Variants in FRMD4A observed in about 807,000 individuals in gnomAD.
FRMD4A encodes the protein FERM domain-containing protein 4A.
FRMD4A carries 29 observed loss-of-function variants against 129.1 expected under a neutral mutation model. That is an observed-to-expected ratio of 0.22 (90% confidence interval 0.17 to 0.31). The LOEUF (loss-of-function observed/expected upper bound fraction) is 0.31, where lower values mean the gene tolerates loss of function less well. FRMD4A is among the 10% of genes least tolerant of loss of function. FRMD4A has a pLI of 1.00. For synonymous variants in FRMD4A, 634 were observed against 571.6 expected, an observed-to-expected ratio of 1.11 and a Z score of -1.56; for missense variants, 1,272 against 1,375.8, an observed-to-expected ratio of 0.92 and a Z score of 1.19.
intron 6 of FRMD4A, among the ~76,000 whole-genome samples, chr10:13,782,035 A>G (rs1023706565): frequency 6.6e-6 from 1 of 152,196 alleles, no homozygotes; most frequent in Admixed American, 6.5e-5. Flanking sequence ...TCACAACTAA[A>G]GAACTTACTC....
At chr10:13,913,276 A>T (rs1035563941) in intron 2 of FRMD4A, among the ~76,000 whole-genome samples, 1 of 152,150 alleles carries the variant, frequency 6.6e-6, no homozygotes, top group African/African-American at 2.4e-5. Context: ...TCCTAGGGAC[A>T]AAGGGATGGA....
At chr10:14,156,585 T>G (rs1303952210) in intron 2 of FRMD4A, among the ~76,000 whole-genome samples, 1 of 152,092 alleles carries the variant, frequency 6.6e-6, no homozygotes, top group Admixed American at 6.5e-5. Flanking sequence ...GGAAGGTACA[T>G]GGAGACCTCC....
intron 2 of FRMD4A, among the ~76,000 whole-genome samples, chr10:14,022,511 T>G (rs1265816114): frequency 6.6e-6 from 1 of 152,206 alleles, no homozygotes; most frequent in African/African-American, 2.4e-5. Context: ...ATATAAACAT[T>G]GCATAATGTT....
intron 6 of FRMD4A, among the ~76,000 whole-genome samples, chr10:13,781,350 G>A (rs1418693570): frequency 1.7e-5 from 2 of 119,152 alleles, no homozygotes; most frequent in Non-Finnish European, 3.5e-5. Flanking sequence ...TCTGATACAC[G>A]CTACAACATG....
intron 2 of FRMD4A, among the ~76,000 whole-genome samples, chr10:14,179,012 G>A (rs1453774079): frequency 6.6e-6 from 1 of 152,128 alleles, no homozygotes; most frequent in East Asian, 1.9e-4. Flanking sequence ...TCAAAAAAGA[G>A]AGGGAAATAA....
At chr10:13,747,712 T>A in intron 9 of FRMD4A, 24 bp downstream of exon 9, 1 of 1,313,704 alleles carries the variant, frequency 7.6e-7, no homozygotes, top group South Asian at 1.2e-5. Flanking sequence ...GACTCGCTCC[T>A]GGGGAAGACT....
At chr10:14,108,460 C>A (rs574223709) in intron 2 of FRMD4A, among the ~76,000 whole-genome samples, 7 of 152,152 alleles carry the variant, frequency 4.6e-5, no homozygotes, top group African/African-American at 1.7e-4. Context: ...AACTCTTTGG[C>A]ATATCTGGGG....
chr10:14,164,800 C>T (rs1366510632), intron 2 of FRMD4A, among the ~76,000 whole-genome samples: 1 of 152,228 alleles, frequency 6.6e-6, no homozygotes, highest in African/African-American at 2.4e-5. Context: ...TTTGTCCAAC[C>T]TGCAACCCAC....
chr10:13,932,488 G>A (rs1209229307), intron 2 of FRMD4A, among the ~76,000 whole-genome samples: 6 of 152,214 alleles, frequency 3.9e-5, no homozygotes, highest in Admixed American at 6.5e-5. Context: ...AGGAGAAGGC[G>A]GGGCAGTCTC....
At chr10:13,672,589 T>C (rs1266060381) in intron 16 of FRMD4A, among the ~76,000 whole-genome samples, 1 of 152,230 alleles carries the variant, frequency 6.6e-6, no homozygotes, top group Non-Finnish European at 1.5e-5. Flanking sequence ...AGTCGAAGTC[T>C]TGATTCTCCA....
chr10:13,747,950 G>A (rs2091373383), intron 8 of FRMD4A, 131 bp from the exon 9 acceptor site: 3 of 658,918 alleles, frequency 4.6e-6, no homozygotes, highest in Non-Finnish European at 8.3e-6. Context: ...GCAGTGGGGG[G>A]AAGGGGCGCT....
chr10:14,314,037 G>A (rs1589299025), intron 2 of FRMD4A, among the ~76,000 whole-genome samples: 1 of 152,218 alleles, frequency 6.6e-6, no homozygotes. Flanking sequence ...ATATTAGACA[G>A]TTTAAGAACA....
chr10:14,283,459 T>C (rs907704235), intron 2 of FRMD4A, among the ~76,000 whole-genome samples: 1 of 152,050 alleles, frequency 6.6e-6, no homozygotes, highest in Non-Finnish European at 1.5e-5. Context: ...ATGGTAAAGA[T>C]GAAAAAGACC....
At chr10:13,739,727 T>G (rs887160936) in intron 11 of FRMD4A, among the ~76,000 whole-genome samples, 2 of 152,196 alleles carry the variant, frequency 1.3e-5, no homozygotes, top group African/African-American at 4.8e-5. Context: ...TTTCTGTATT[T>G]GAAATTGTCT....
chr10:14,042,130 C>A (rs1458482893), intron 2 of FRMD4A, among the ~76,000 whole-genome samples: 4 of 152,218 alleles, frequency 2.6e-5, no homozygotes, highest in Non-Finnish European at 5.9e-5. Context: ...TGTCTGCTAG[C>A]CGTAATAAAG....
chr10:13,974,516 G>A (rs1480408142), intron 2 of FRMD4A, among the ~76,000 whole-genome samples: 1 of 152,048 alleles, frequency 6.6e-6, no homozygotes, highest in African/African-American at 2.4e-5. Flanking sequence ...TTCTGCCCTA[G>A]CCTTGACTGA....
chr10:14,020,101 C>A (rs1832671904), intron 2 of FRMD4A, among the ~76,000 whole-genome samples: 1 of 152,178 alleles, frequency 6.6e-6, no homozygotes, highest in African/African-American at 2.4e-5. Flanking sequence ...TCCTGAAGAG[C>A]CATTCGTGTG....
rs528602389 is a variant in FRMD4A at position 13,664,436 on chromosome 10, G to A, written c.1604-927C>T. On this transcript the variant is annotated intron_variant, in intron 18 of 24. Transcript: ENST00000357447. ...GTGTGGTCTTGGCCAAGGACAACAG[G>A]ATGAGATAGGGAAAGATGGTCATTC... Among the ~76,000 whole-genome samples the A allele has an allele frequency of 1.7e-4, 26 of 152,254 alleles. 1 individual carries two copies. In the South Asian group the frequency reaches 5.4e-3, roughly 32 times the overall value.
rs747721673 is a variant in FRMD4A, at chr10:13,737,941, A to C, written c.673-11T>G. 1.3e-6 allele frequency: 2 copies of C among 1,526,362 alleles called. No homozygotes were observed. Among genetic ancestry groups the C allele is most frequent in the Non-Finnish European group, 1.8e-6 (2 of 1,104,340 alleles). The allele number at this position is 1,526,362 out of a possible 1,614,324, so 94.6% of individuals were successfully genotyped here. ...TATGCCCTGCTTGTCCTAGGATATC[A>C]AAAAAAGTTTGGGTGAATATGGGAC... is the stretch of plus-strand genomic sequence containing the variant. On this transcript the variant is annotated splice_polypyrimidine_tract_variant and intron_variant, in intron 11 of 24. Transcript: ENST00000357447.
Sources: gnomAD v4.1 joint callset for allele counts (sites outside exome capture counted in the v4.1 genomes callset) on GRCh38, gnomAD v4.1.1 for gene constraint, MANE v1.5 for transcripts, NCBI Gene and HGNC (gene_info 2026-07-23, HGNC 2026-07-21) for gene names.